CUEDC1: variants seen among roughly 807,000 people sequenced by gnomAD.
The protein encoded by CUEDC1 is CUE domain-containing protein 1.
In CUEDC1, 30 loss-of-function variants were observed where a neutral mutation model predicts 43.7. The ratio of observed to expected loss-of-function variants is 0.69; its 90% CI spans 0.51 to 0.93. The LOEUF (loss-of-function observed/expected upper bound fraction) is 0.93, where lower values mean the gene tolerates loss of function less well. Among genes scored for constraint, CUEDC1 ranks in the 40% least tolerant of loss-of-function variants. CUEDC1 has a pLI of 0.00. For synonymous variants in CUEDC1, 223 were observed against 223.6 expected (o/e 1.00, Z 0.02); for missense variants, 486 against 549.0 (o/e 0.89, Z 1.15).
chr17:57,914,092 T>C (rs1720020597), intron 1 of CUEDC1, among the ~76,000 whole-genome samples: 1 of 152,136 alleles, frequency 6.6e-6, no homozygotes. Context: ...AAGGCGGGAT[T>C]TTTTGGATCT....
chr17:57,924,245 A>G (rs144149646), intron 1 of CUEDC1, among the ~76,000 whole-genome samples: 357 of 152,278 alleles, frequency 2.3e-3, no homozygotes, highest in African/African-American at 8.0e-3. Flanking sequence ...AGCTGGGACT[A>G]CGGGCGGACG....
intron 3 of CUEDC1, among the ~76,000 whole-genome samples, chr17:57,878,957 G>A (rs1246267144): frequency 1.3e-5 from 2 of 152,154 alleles, no homozygotes; most frequent in African/African-American, 4.8e-5. Context: ...GTGAGCCACT[G>A]TGCCCAGCCT....
At chr17:57,923,883 AC>A (rs1421162501) in intron 1 of CUEDC1, among the ~76,000 whole-genome samples, 2 of 152,226 alleles carry the variant, frequency 1.3e-5, no homozygotes, top group Admixed American at 6.5e-5. Flanking sequence ...TCTTTATTGT[AC>A]ACATGAGGAA....
Position 57,866,553 on chromosome 17 carries a change from G to A in CUEDC1, c.1094-9C>T. On this transcript the variant is annotated splice_polypyrimidine_tract_variant and intron_variant, in intron 9 of 10. Coordinates refer to ENST00000577830, the MANE Select transcript of CUEDC1 (RefSeq NM_001271875.2). Reference sequence around the variant, plus strand: ...GCCCCGGAAGTCTTCATCTGAAAAGGAGAGGGAAGCTGCCTCATCCTCTAC... The same window carrying A: ...GCCCCGGAAGTCTTCATCTGAAAAGAAGAGGGAAGCTGCCTCATCCTCTAC... 2.5e-6 allele frequency: 4 copies of A among 1,614,114 alleles called. No individual in the cohort carries two copies. The highest frequency in any genetic ancestry group is 3.4e-6 in the Non-Finnish European group (4 of 1,179,962).
intron 1 of CUEDC1, among the ~76,000 whole-genome samples, chr17:57,945,431 C>T (rs766106610): frequency 2.6e-5 from 4 of 152,194 alleles, no homozygotes; most frequent in Non-Finnish European, 4.4e-5. Context: ...AGGTTAAGCC[C>T]ATTTCTTCTA....
rs372515433 is a variant in CUEDC1, at chr17:57,872,786, C to T, written c.661G>A (p.Gly221Arg). Residue 221 changes from glycine (G) to arginine (R), a missense_variant, in exon 5 of 11, where the codon GGA becomes AGA. Gly to Arg is a moderately radical substitution (Grantham distance 125). Transcript: ENST00000577830. The part of the protein sequence containing the change: ...CPPAMAGPGP[G>R]DQESRWKQYL... ...TGCTTCCAGCGGCTCTCCTGGTCTC[C>T]GGGCCCTGGCCCAGCCATGGCAGGT... The T allele has an allele frequency of 4.2e-5, 68 of 1,614,106 alleles. No individual in the cohort carries two copies. Among genetic ancestry groups the T allele is most frequent in the Non-Finnish European group, 5.5e-5 (65 of 1,180,050 alleles).
chr17:57,893,506 A>C (rs2074377976), intron 1 of CUEDC1, among the ~76,000 whole-genome samples: 1 of 152,204 alleles, frequency 6.6e-6, no homozygotes, highest in South Asian at 2.1e-4. Context: ...GCTCCTGCCC[A>C]AGGCTCGGAA....
At chr17:57,934,122 G>A (rs183288855) in intron 1 of CUEDC1, among the ~76,000 whole-genome samples, 22 of 152,248 alleles carry the variant, frequency 1.4e-4, no homozygotes, top group South Asian at 8.3e-4. Context: ...GGCCAGGTGC[G>A]GTGGCTCACA....
Position 57,885,756 on chromosome 17 carries a change from A to G in CUEDC1, c.-192T>C, listed in dbSNP as rs2074282398. 3.4e-6 allele frequency: 3 copies of G among 893,430 alleles called. No homozygotes were observed. In the South Asian group the frequency reaches 1.2e-4, roughly 37 times the overall value. 55.3% of individuals were successfully genotyped at this position (893,430 alleles called of 1,614,324 possible). On this transcript the variant is annotated 5_prime_UTR_variant, in exon 2 of 11. Transcript: ENST00000577830. The stretch of plus-strand genomic sequence containing the variant: ...TAGGAGAGTACGGGCGCGGGGCCCC[A>G]GGCAGCCCTTGGAGAGCGGTCCTCG...
chr17:57,936,815 G>A (rs574999856), intron 1 of CUEDC1, among the ~76,000 whole-genome samples: 20 of 125,312 alleles, frequency 1.6e-4, no homozygotes, highest in African/African-American at 5.5e-4. Context: ...AGCCCTCCAC[G>A]TTCATTCACA....
At chr17:57,880,663 A>AC (rs1489699174) in intron 2 of CUEDC1, among the ~76,000 whole-genome samples, 1 of 152,132 alleles carries the variant, frequency 6.6e-6, no homozygotes, top group Non-Finnish European at 1.5e-5. Flanking sequence ...ACACATGGCT[A>AC]CCTCTGACCC....
rs1192126140 is a variant in CUEDC1, at chr17:57,955,172, G to A, written c.-316+53C>T. The stretch of plus-strand genomic sequence containing the variant: ...GGCCGGGATTGCGCGCGGGGCGCCG[G>A]CGAGGACCGCGCCCGGGGCCGGGCG... On this transcript the variant is annotated intron_variant, in intron 1 of 10. Transcript: ENST00000577830. This position sits in a 1 kb window ranked among gnomAD's most constrained non-coding sequence, Gnocchi z 5.3. 6.9e-6 allele frequency: 1 copy of A among 144,646 alleles called. No individual in the cohort carries two copies. Among genetic ancestry groups the A allele is most frequent in the Non-Finnish European group, 1.5e-5 (1 of 65,118 alleles). The allele number at this position is 144,646 out of a possible 1,614,324, so 9.0% of individuals were successfully genotyped here.
intron 1 of CUEDC1, among the ~76,000 whole-genome samples, chr17:57,888,338 C>A (rs1331316779): frequency 2.6e-5 from 4 of 152,202 alleles, no homozygotes; most frequent in African/African-American, 9.7e-5. Flanking sequence ...ATACGTAGGG[C>A]TACGCCATCA....
At position 57,871,378 on chromosome 17, in the gene CUEDC1, G is replaced by C. The variant is rs910247886; in HGVS notation, c.785-9C>G. 8.7e-6 allele frequency: 14 copies of C among 1,612,572 alleles called. No individual in the cohort carries two copies. The Admixed American group carries it at 1.3e-4, about 15-fold the overall frequency. ...TTCGTATTTCAATCGATCTGGAAAAGGACCACATTCACAGGTCAGGGAGGT... is the reference window on the plus strand; with the variant it reads ...TTCGTATTTCAATCGATCTGGAAAACGACCACATTCACAGGTCAGGGAGGT... On this transcript the variant is annotated splice_polypyrimidine_tract_variant and intron_variant, in intron 5 of 10. Transcript: ENST00000577830.
chr17:57,885,816 G>A lies in CUEDC1; in HGVS notation c.-252C>T, dbSNP rs958641743. 3 of 385,154 alleles carry A rather than the reference G, an allele frequency of 7.8e-6. No homozygotes were observed. The highest frequency in any genetic ancestry group is 9.7e-5 in the Admixed American group (2 of 20,554). 23.9% of individuals were successfully genotyped at this position (385,154 alleles called of 1,614,324 possible). ...GGCATGCGGGACCGGGCCGTGCTGG[G>A]GCTGGGCGGCCGGTCATCCACACCC... On this transcript the variant is annotated 5_prime_UTR_variant, in exon 2 of 11. Transcript: ENST00000577830.
intron 1 of CUEDC1, among the ~76,000 whole-genome samples, chr17:57,891,383 G>C (rs1298958645): frequency 1.3e-5 from 2 of 152,226 alleles, no homozygotes; most frequent in Non-Finnish European, 2.9e-5. Flanking sequence ...GGCGAAGCCT[G>C]TCTTCCCCGT....
At chr17:57,895,410 G>C (rs2074398295) in intron 1 of CUEDC1, among the ~76,000 whole-genome samples, 1 of 152,210 alleles carries the variant, frequency 6.6e-6, no homozygotes, top group African/African-American at 2.4e-5. Context: ...TGGAGAGGCT[G>C]GGGGTGCCTG....
At chr17:57,934,496 A>ATAG (rs1461964767) in intron 1 of CUEDC1, among the ~76,000 whole-genome samples, 1 of 139,418 alleles carries the variant, frequency 7.2e-6, no homozygotes, top group Non-Finnish European at 1.5e-5. Flanking sequence ...ATTCCAGGTT[A>ATAG]TAGTGAGCCA....
intron 4 of CUEDC1, 68 bp from the exon 5 acceptor site, chr17:57,872,923 C>T (rs1282602516): frequency 2.8e-6 from 4 of 1,429,030 alleles, no homozygotes; most frequent in African/African-American, 1.4e-5. Context: ...CGTCCACATC[C>T]CTCTGGTTGC....
Sources: gnomAD v4.1 joint callset for allele counts (sites outside exome capture counted in the v4.1 genomes callset) on GRCh38, gnomAD v4.1.1 for gene constraint, Gnocchi (gnomAD v3.1) non-coding constraint, MANE v1.5 for transcripts, NCBI Gene and HGNC (gene_info 2026-07-23, HGNC 2026-07-21) for gene names.